The following SCARA3 variants were observed in gnomAD, a reference collection of about 807,000 sequenced individuals.
The protein encoded by SCARA3 is scavenger receptor class A member 3.
A neutral mutation model predicts 47.0 loss-of-function variants in SCARA3; 39 were observed. The ratio of observed to expected loss-of-function variants is 0.83; its 90% CI spans 0.64 to 1.08. The LOEUF (loss-of-function observed/expected upper bound fraction) is 1.08. Ranked by LOEUF, SCARA3 falls within the 50% of genes least tolerant of loss-of-function variation. SCARA3 has a pLI of 0.00. For missense variants in SCARA3, 724 were observed against 792.3 expected (o/e 0.91, Z 1.04); for synonymous variants, 356 against 334.1 (o/e 1.07, Z -0.71).
the SCARA3 span, among the ~76,000 whole-genome samples, chr8:27,712,905 TAAAGTAC>T: frequency 6.6e-6 from 1 of 152,332 alleles, no homozygotes; most frequent in African/African-American, 2.4e-5. Flanking sequence ...AAGTTCCAAG[TAAAGTAC>T]AAAGTACTGT....
the SCARA3 span, among the ~76,000 whole-genome samples, chr8:27,692,376 C>T: frequency 1.3e-5 from 2 of 150,042 alleles, no homozygotes; most frequent in Admixed American, 1.3e-4. Flanking sequence ...GCTGAGATCA[C>T]GTCATTGCCC....
intron 1 of SCARA3, among the ~76,000 whole-genome samples, chr8:27,647,143 A>C (rs1030915044): frequency 6.6e-6 from 1 of 151,998 alleles, no homozygotes; most frequent in Admixed American, 6.5e-5. Flanking sequence ...ACACATGCAC[A>C]CTCATGGGCA....
At chr8:27,709,973 G>A in the SCARA3 span, among the ~76,000 whole-genome samples, 1 of 152,322 alleles carries the variant, frequency 6.6e-6, no homozygotes, top group African/African-American at 2.4e-5. Context: ...GCTGACGCCT[G>A]TAATCTCAGC....
Position 27,649,749 on chromosome 8 carries a change from G to A in SCARA3, c.55G>A (p.Asp19Asn), listed in dbSNP as rs773313431. Residue 19 changes from aspartate to asparagine, a missense_variant, in exon 2 of 6, where the codon GAC (aspartate) becomes AAC (asparagine). Asp to Asn is a conservative substitution (Grantham distance 23). Coordinates refer to ENST00000301904, the MANE Select transcript of SCARA3 (RefSeq NM_016240.3). ...DGDALCVTEE[D>N]LAGDDEDMPT... Reference sequence around the variant, plus strand: ...AGATGCCTTGTGCGTTACAGAAGAGGACCTGGCGGGTGACGACGAGGACAT... The same window carrying A: ...AGATGCCTTGTGCGTTACAGAAGAGAACCTGGCGGGTGACGACGAGGACAT... The A allele has an allele frequency of 6.2e-7, 1 of 1,614,176 alleles. No individual in the cohort carries two copies. The highest frequency in any genetic ancestry group is 8.5e-7 in the Non-Finnish European group (1 of 1,180,014).
At position 27,656,881 on chromosome 8, in the gene SCARA3, G is replaced by A. The variant is rs920081039; in HGVS notation, c.325+1G>A. The A allele has an allele frequency of 2.5e-6, 4 of 1,569,296 alleles. No individual in the cohort carries two copies. Among genetic ancestry groups the A allele is most frequent in the Non-Finnish European group, 3.5e-6 (4 of 1,139,096 alleles). On this transcript the variant is annotated splice_donor_variant, in intron 4 of 5. Transcript: ENST00000301904. LOFTEE classifies it high-confidence loss of function. ...ATGCAGAAAAATCTCCAGGGCCTGG[G>A]TAAGTAGATGGGCTGATGACTGTGA...
chr8:27,685,455 T>C, the SCARA3 span, among the ~76,000 whole-genome samples: 1 of 152,152 alleles, frequency 6.6e-6, no homozygotes, highest in Non-Finnish European at 1.5e-5. Context: ...TAACTTAATT[T>C]ATAAGAACAG....
At chr8:27,688,379 C>G in the SCARA3 span, among the ~76,000 whole-genome samples, 1 of 150,506 alleles carries the variant, frequency 6.6e-6, no homozygotes, top group Non-Finnish European at 1.5e-5. Flanking sequence ...AAGAAAAAAA[C>G]TGGAAGTCCT....
the SCARA3 span, among the ~76,000 whole-genome samples, chr8:27,727,047 A>C: frequency 6.6e-6 from 1 of 152,086 alleles, no homozygotes; most frequent in African/African-American, 2.4e-5. Flanking sequence ...AAGTGTTGGG[A>C]TTACAGGCGT....
the SCARA3 span, among the ~76,000 whole-genome samples, chr8:27,707,861 A>C: frequency 1.3e-5 from 2 of 151,868 alleles, no homozygotes; most frequent in Non-Finnish European, 2.9e-5. Flanking sequence ...GAATGTCTCC[A>C]GAGCAAATGC....
At chr8:27,716,068 G>A in the SCARA3 span, among the ~76,000 whole-genome samples, 1 of 152,166 alleles carries the variant, frequency 6.6e-6, no homozygotes, top group Non-Finnish European at 1.5e-5. Context: ...AACTTTGAGA[G>A]GCTGAGGCAG....
At chr8:27,675,037 CCTT>C (rs777799964), downstream of SCARA3, among the ~76,000 whole-genome samples, 7 of 152,136 alleles carry the variant, frequency 4.6e-5, no homozygotes, top group Non-Finnish European at 1.0e-4. Flanking sequence ...GCCTGGGCCT[CCTT>C]CTAAGAAGAG....
the SCARA3 span, chr8:27,733,663 C>T: frequency 2.0e-5 from 3 of 152,206 alleles, no homozygotes; most frequent in East Asian, 5.8e-4. Context: ...CAAAAGGTCA[C>T]TCAGTCACTC....
At chr8:27,708,844 A>G in the SCARA3 span, among the ~76,000 whole-genome samples, 2 of 152,202 alleles carry the variant, frequency 1.3e-5, no homozygotes, top group Non-Finnish European at 2.9e-5. Flanking sequence ...TTTTTAGTTA[A>G]AAAAATTAAA....
rs191840187 is a variant in SCARA3, at chr8:27,668,955, C to T, written c.1370-1945C>T. Among the ~76,000 whole-genome samples the T allele has an allele frequency of 2.0e-5, 3 of 152,166 alleles. No individual in the cohort carries two copies. The East Asian group carries it at 5.8e-4, about 29-fold the overall frequency. Reference sequence around the variant, plus strand: ...GAGTTCCAGAAGAAGGTGAGAGGGCCCCAGCTGTGTGTAGGAGCAGGGCAG... The same window carrying T: ...GAGTTCCAGAAGAAGGTGAGAGGGCTCCAGCTGTGTGTAGGAGCAGGGCAG... On this transcript the variant is annotated intron_variant, in intron 5 of 5. Transcript: ENST00000301904.
intron 5 of SCARA3, among the ~76,000 whole-genome samples, chr8:27,660,731 A>C (rs984828747): frequency 2.0e-5 from 3 of 151,736 alleles, no homozygotes; most frequent in Non-Finnish European, 2.9e-5. Context: ...AGATAGATAG[A>C]TAGATCCAGA....
chr8:27,658,921 A>T lies in SCARA3; in HGVS notation c.751A>T (p.Ile251Phe), dbSNP rs762507954. ...TDEETLTLQK[I>F]VTDWQNYTRL... ...CGAGGAGACCCTGACCCTCCAGAAG[A>T]TTGTCACCGACTGGCAGAACTACAC... Residue 251 changes from isoleucine (I) to phenylalanine (F), a missense_variant, in exon 5 of 6, where the codon ATT (isoleucine) becomes TTT (phenylalanine). By Grantham distance (21) the Ile-to-Phe change is conservative. Transcript: ENST00000301904. 11 of 1,613,910 alleles carry T rather than the reference A, an allele frequency of 6.8e-6. No homozygotes were observed. The Admixed American group carries it at 1.7e-4, about 24-fold the overall frequency.
the SCARA3 span, among the ~76,000 whole-genome samples, chr8:27,692,021 C>T: frequency 1.8e-4 from 27 of 152,144 alleles, no homozygotes; most frequent in African/African-American, 6.0e-4. Flanking sequence ...CCAAAATTAA[C>T]CTGAAAAACC....
At chr8:27,708,869 C>T in the SCARA3 span, among the ~76,000 whole-genome samples, 1 of 151,896 alleles carries the variant, frequency 6.6e-6, no homozygotes, top group Non-Finnish European at 1.5e-5. Flanking sequence ...AATAAAATAG[C>T]AAAAAAGAAA....
Position 27,659,033 on chromosome 8 carries a change from A to G in SCARA3, c.863A>G (p.Gln288Arg). Residue 288 changes from glutamine (Q) to arginine (R), a missense_variant, in exon 5 of 6, where the codon CAG becomes CGG. Transcript: ENST00000301904. ...NIQATLGASS[Q>R]RISQNSESMH... The stretch of plus-strand genomic sequence containing the variant: ...CAGGCCACCCTGGGGGCCTCCTCAC[A>G]GCGCATCAGCCAGAACTCAGAGAGC... The G allele has an allele frequency of 6.2e-7, 1 of 1,614,026 alleles. No homozygotes were observed. Among genetic ancestry groups the G allele is most frequent in the South Asian group, 1.1e-5 (1 of 91,072 alleles).
Sources: allele counts gnomAD v4.1 joint callset (sites outside exome capture counted in the v4.1 genomes callset), GRCh38; gene constraint gnomAD v4.1.1; transcripts MANE v1.5; gene names NCBI Gene and HGNC (gene_info 2026-07-23, HGNC 2026-07-21).